Variants in TOP6BL observed in about 807,000 individuals in gnomAD.
The protein encoded by TOP6BL is TOP6B like initiator of meiotic double strand breaks, also known as type 2 DNA topoisomerase 6 subunit B-like.
At chr11:66,821,994 AAATAGGGAAATAGTT>A in the TOP6BL span, among the ~76,000 whole-genome samples, 2 of 152,316 alleles carry the variant, frequency 1.3e-5, no homozygotes, top group Middle Eastern at 3.4e-3. Flanking sequence ...GTGTTTGGGT[AAATAGGGAAATAGTT>A]AATAGGGAAA....
At chr11:66,778,542 C>T in the TOP6BL span, among the ~76,000 whole-genome samples, 2 of 152,240 alleles carry the variant, frequency 1.3e-5, no homozygotes, top group East Asian at 3.9e-4. Context: ...AGTCAGGGGA[C>T]TGGCACTACC....
chr11:66,769,275 A>G, the TOP6BL span, among the ~76,000 whole-genome samples: 1 of 152,244 alleles, frequency 6.6e-6, no homozygotes, highest in African/African-American at 2.4e-5. Context: ...AAACTCTTAG[A>G]AAAGAAAGAA....
the TOP6BL span, chr11:66,796,063 T>C: frequency 4.2e-4 from 203 of 479,778 alleles, no homozygotes; most frequent in African/African-American, 3.7e-3. Flanking sequence ...TATTCTCGTG[T>C]CTTCTGAAGT....
At chr11:66,774,704 C>T in the TOP6BL span, among the ~76,000 whole-genome samples, 2 of 151,958 alleles carry the variant, frequency 1.3e-5, no homozygotes. Flanking sequence ...ATCTCCTGAC[C>T]TCGTGATCCG....
At chr11:66,775,940 T>C in the TOP6BL span, among the ~76,000 whole-genome samples, 2 of 152,208 alleles carry the variant, frequency 1.3e-5, no homozygotes, top group Non-Finnish European at 2.9e-5. Flanking sequence ...TCAACCCTAC[T>C]GAATTCATCC....
chr11:66,808,279 A>G, the TOP6BL span, among the ~76,000 whole-genome samples: 1 of 152,316 alleles, frequency 6.6e-6, no homozygotes, highest in Non-Finnish European at 1.5e-5. Context: ...TCACACCTAT[A>G]ATCTCAGCAC....
the TOP6BL span, among the ~76,000 whole-genome samples, chr11:66,750,829 A>AGCTAGGACTACAGGCATGTGCT: frequency 1.3e-5 from 2 of 151,596 alleles, no homozygotes; most frequent in Admixed American, 6.6e-5. Context: ...CCTCCTGAGT[A>AGCTAGGACTACAGGCATGTGCT]GCTAGGACTA....
At chr11:66,811,368 T>G in the TOP6BL span, among the ~76,000 whole-genome samples, 2 of 152,178 alleles carry the variant, frequency 1.3e-5, no homozygotes, top group African/African-American at 2.4e-5. Context: ...ATTTTCGTAT[T>G]TTTAATAGAG....
chr11:66,754,531 A>C, the TOP6BL span, among the ~76,000 whole-genome samples: 1 of 152,162 alleles, frequency 6.6e-6, no homozygotes, highest in African/African-American at 2.4e-5. Flanking sequence ...CTCATTTTTA[A>C]GAGTTAGAGA....
the TOP6BL span, among the ~76,000 whole-genome samples, chr11:66,760,458 A>C: frequency 7.0e-6 from 1 of 141,848 alleles, no homozygotes; most frequent in East Asian, 2.1e-4. Flanking sequence ...CTCAAAAAAA[A>C]AAAAAGAAAA....
chr11:66,767,585 A>C, the TOP6BL span, among the ~76,000 whole-genome samples: 1 of 152,160 alleles, frequency 6.6e-6, no homozygotes, highest in African/African-American at 2.4e-5. Context: ...CAGTATGGCC[A>C]GTTATTTTAA....
the TOP6BL span, chr11:66,756,356 G>A: frequency 8.5e-7 from 1 of 1,182,534 alleles, no homozygotes; most frequent in Non-Finnish European, 1.1e-6. Context: ...TTCTCAGGAT[G>A]GAGTCTCACT....
At chr11:66,818,155 A>C in the TOP6BL span, among the ~76,000 whole-genome samples, 1 of 152,218 alleles carries the variant, frequency 6.6e-6, no homozygotes, top group Non-Finnish European at 1.5e-5. Flanking sequence ...CTGAGTCATA[A>C]GAAAAAAGAG....
chr11:66,838,546 C>A, the TOP6BL span: 1 of 1,071,020 alleles, frequency 9.3e-7, no homozygotes, highest in South Asian at 1.4e-5. Context: ...TCTACTACAG[C>A]GGCGTCCTTC....
chr11:66,784,005 TG>T, the TOP6BL span, among the ~76,000 whole-genome samples: 1 of 151,982 alleles, frequency 6.6e-6, no homozygotes, highest in Non-Finnish European at 1.5e-5. Context: ...TTTTTGTTTT[TG>T]TTTTTTTTGG....
At chr11:66,837,222 G>A in the TOP6BL span, among the ~76,000 whole-genome samples, 7 of 151,878 alleles carry the variant, frequency 4.6e-5, no homozygotes, top group African/African-American at 1.7e-4. Context: ...TGCCTTCTGG[G>A]TTCACGCCAT....
chr11:66,784,374 G>A, the TOP6BL span, among the ~76,000 whole-genome samples: 1 of 152,048 alleles, frequency 6.6e-6, no homozygotes, highest in Non-Finnish European at 1.5e-5. Flanking sequence ...TTGCCAAGGG[G>A]TGGTCTCAAA....
the TOP6BL span, among the ~76,000 whole-genome samples, chr11:66,840,768 G>GTA: frequency 6.6e-6 from 1 of 152,180 alleles, no homozygotes; most frequent in Non-Finnish European, 1.5e-5. Flanking sequence ...ATTTGGCACT[G>GTA]TAAGGCTATG....
At chr11:66,814,239 GT>G in the TOP6BL span, among the ~76,000 whole-genome samples, 1 of 150,946 alleles carries the variant, frequency 6.6e-6, no homozygotes, top group African/African-American at 2.4e-5. Flanking sequence ...GGCATTGCAT[GT>G]TTTTTTTTGT....
Sources: allele counts gnomAD v4.1 joint callset (sites outside exome capture counted in the v4.1 genomes callset), GRCh38; gene constraint gnomAD v4.1.1; transcripts MANE v1.5; gene names NCBI Gene and HGNC (gene_info 2026-07-23, HGNC 2026-07-21).